The following RASGRP3 variants were observed in gnomAD, a reference collection of about 807,000 sequenced individuals.
RASGRP3 encodes ras guanyl-releasing protein 3.
RASGRP3 carries 54 observed loss-of-function variants against 82.7 expected under a neutral mutation model. The observed-to-expected ratio is 0.65, with a 90% CI of 0.52 to 0.82. RASGRP3 has a LOEUF of 0.82. Among genes scored for constraint, RASGRP3 ranks in the 40% least tolerant of loss-of-function variants. RASGRP3 has a pLI of 0.00. For synonymous variants in RASGRP3, 309 were observed against 300.5 expected (o/e 1.03, Z -0.29); for missense variants, 861 against 828.9 (o/e 1.04, Z -0.48).
intron 12 of RASGRP3, among the ~76,000 whole-genome samples, chr2:33,540,615 T>TCTC (rs1674203193): frequency 8.2e-6 from 1 of 121,734 alleles, no homozygotes; most frequent in African/African-American, 2.9e-5. Context: ...TCTGGGGAAT[T>TCTC]TCTCTCTCTC....
At chr2:33,447,433 TGTGCACA>T (rs1283317227) in intron 1 of RASGRP3, among the ~76,000 whole-genome samples, 3 of 137,700 alleles carry the variant, frequency 2.2e-5, no homozygotes, top group Non-Finnish European at 3.3e-5. Flanking sequence ...AACCTTGGAG[TGTGCACA>T]TTTTTTTTTT....
At chr2:33,545,266 C>G (rs1280163931) in intron 13 of RASGRP3, among the ~76,000 whole-genome samples, 3 of 152,172 alleles carry the variant, frequency 2.0e-5, no homozygotes, top group Admixed American at 6.5e-5. Flanking sequence ...TTACATGACA[C>G]TAAAGTTTTG....
intron 2 of RASGRP3, among the ~76,000 whole-genome samples, chr2:33,470,432 T>A (rs1189779359): frequency 2.0e-5 from 3 of 150,328 alleles, no homozygotes; most frequent in Non-Finnish European, 4.4e-5. Context: ...CAGGCTGGAG[T>A]GCAGTGGCGC....
chr2:33,480,167 T>C (rs35429832), intron 1 of RASGRP3, among the ~76,000 whole-genome samples: 35,035 of 151,020 alleles, frequency 0.23, 5,536 homozygotes, highest in African/African-American at 0.45. Flanking sequence ...CTCAGCCTCC[T>C]GAGTAGCTGG....
intron 1 of RASGRP3, among the ~76,000 whole-genome samples, chr2:33,478,005 GC>G: frequency 6.6e-6 from 1 of 152,178 alleles, no homozygotes; most frequent in East Asian, 1.9e-4. Flanking sequence ...TTCGCCCTCT[GC>G]CCCCTGCCAT....
intron 10 of RASGRP3, chr2:33,533,276 C>T (rs1043870942): frequency 2.0e-5 from 3 of 152,170 alleles, no homozygotes; most frequent in Non-Finnish European, 4.4e-5. Flanking sequence ...GTGTTGTTGT[C>T]CTTGCCTACA....
At chr2:33,497,357 T>A (rs1353019016) in intron 1 of RASGRP3, among the ~76,000 whole-genome samples, 3 of 152,202 alleles carry the variant, frequency 2.0e-5, no homozygotes, top group African/African-American at 7.2e-5. Flanking sequence ...CTTGCAGACT[T>A]GTGAAATCCC....
intron 8 of RASGRP3, 135 bp downstream of exon 8, chr2:33,524,187 C>A (rs1286288544): frequency 7.1e-6 from 8 of 1,119,382 alleles, no homozygotes; most frequent in African/African-American, 1.6e-5. Flanking sequence ...ATCTAATGAA[C>A]AAATCGTATT....
At chr2:33,497,241 A>G (rs1188064492) in intron 1 of RASGRP3, among the ~76,000 whole-genome samples, 2 of 152,236 alleles carry the variant, frequency 1.3e-5, no homozygotes, top group Non-Finnish European at 2.9e-5. Context: ...AAATATATAC[A>G]TGCTCTGTTT....
chr2:33,467,245 T>C (rs547349094), intron 2 of RASGRP3, among the ~76,000 whole-genome samples: 1 of 152,274 alleles, frequency 6.6e-6, no homozygotes, highest in Non-Finnish European at 1.5e-5. Flanking sequence ...TGATATTGGT[T>C]TGTTTGATTC....
chr2:33,555,559 A>T lies in RASGRP3; in HGVS notation c.1571A>T (p.Lys524Ile). Residue 524 changes from lysine (K) to isoleucine (I), a missense_variant, in exon 15 of 18, where the codon AAA (lysine) becomes ATA (isoleucine). Coordinates refer to ENST00000403687, the MANE Select transcript of RASGRP3 (RefSeq NM_001139488.2). ...TGGGGCATAATCAAGCAAGGATACAAATGCAAAGGTAAATCAATGTTATTT... is the reference window on the plus strand; with the variant it reads ...TGGGGCATAATCAAGCAAGGATACATATGCAAAGGTAAATCAATGTTATTT... The part of the protein sequence containing the change: ...FLWGIIKQGY[K>I]CKDCGANCHK... The T allele has an allele frequency of 1.3e-6, 2 of 1,595,098 alleles. No individual in the cohort carries two copies. Among genetic ancestry groups the T allele is most frequent in the Non-Finnish European group, 1.7e-6 (2 of 1,165,844 alleles).
At chr2:33,440,715 A>G (rs1665176457) in intron 1 of RASGRP3, among the ~76,000 whole-genome samples, 2 of 152,134 alleles carry the variant, frequency 1.3e-5, no homozygotes, top group Non-Finnish European at 2.9e-5. Context: ...CTCATTTTAA[A>G]TTTTCCCTTG....
intron 7 of RASGRP3, among the ~76,000 whole-genome samples, chr2:33,523,400 G>C (rs977061751): frequency 6.6e-6 from 1 of 151,494 alleles, no homozygotes; most frequent in Non-Finnish European, 1.5e-5. Flanking sequence ...GGGAGGCGGA[G>C]ATTGCAGTGA....
Position 33,452,370 on chromosome 2 carries a change from A to C in RASGRP3, c.-261+4427A>C, listed in dbSNP as rs531909756. ...TACCTTTTACATATTGGCTTTGGAAAGCTCTCACCAGTCTATCTAGAGATT... is the reference window on the plus strand; with the variant it reads ...TACCTTTTACATATTGGCTTTGGAACGCTCTCACCAGTCTATCTAGAGATT... On this transcript the variant is annotated intron_variant, in intron 2 of 18. Coordinates refer to the RASGRP3 transcript ENST00000402538. Among the ~76,000 whole-genome samples the C allele has an allele frequency of 2.0e-5, 3 of 152,270 alleles. 1 individual carries two copies. Among genetic ancestry groups the C allele is most frequent in the Admixed American group, 2.0e-4 (3 of 15,300 alleles).
At chr2:33,442,498 C>T (rs545842088) in intron 1 of RASGRP3, among the ~76,000 whole-genome samples, 111 of 152,330 alleles carry the variant, frequency 7.3e-4, no homozygotes, top group African/African-American at 2.6e-3. Flanking sequence ...AGCTAAGTCT[C>T]TGTTCTGATT....
Position 33,558,345 on chromosome 2 carries a change from C to T in RASGRP3, c.1705+9C>T. 1 of 1,612,932 alleles carries T rather than the reference C, an allele frequency of 6.2e-7. No individual in the cohort carries two copies. Among genetic ancestry groups the T allele is most frequent in the Non-Finnish European group, 8.5e-7 (1 of 1,179,868 alleles). The stretch of plus-strand genomic sequence containing the variant: ...CCCCTCGCTGCCCCCAGGTAATGCC[C>T]TCTGCTTTCTTTGCTGCCATGGTCT... On this transcript the variant is annotated intron_variant, in intron 16 of 17. Transcript: ENST00000403687.
intron 10 of RASGRP3, among the ~76,000 whole-genome samples, chr2:33,529,770 G>T (rs1311771780): frequency 6.6e-6 from 1 of 151,856 alleles, no homozygotes; most frequent in Non-Finnish European, 1.5e-5. Context: ...TTTAAACAAG[G>T]GTTTTATGCT....
intron 10 of RASGRP3, chr2:33,532,221 T>G (rs1223207087): frequency 6.6e-6 from 1 of 152,184 alleles, no homozygotes; most frequent in African/African-American, 2.4e-5. Context: ...GTTTGAAAAT[T>G]GGGATAGTTT....
chr2:33,558,085 T>G, intron 15 of RASGRP3, 126 bp from the exon 16 acceptor site: 1 of 1,288,266 alleles, frequency 7.8e-7, no homozygotes, highest in Non-Finnish European at 1.1e-6. Flanking sequence ...GGGCCTGAGC[T>G]CAACTCTGAA....
Sources: allele counts gnomAD v4.1 joint callset (sites outside exome capture counted in the v4.1 genomes callset), GRCh38; gene constraint gnomAD v4.1.1; transcripts MANE v1.5; gene names NCBI Gene and HGNC (gene_info 2026-07-23, HGNC 2026-07-21).